TEAD4: variants seen among roughly 807,000 people sequenced by gnomAD.
TEAD4 encodes TEA domain transcription factor 4.
A neutral mutation model predicts 52.4 loss-of-function variants in TEAD4; 36 were observed. The ratio of observed to expected loss-of-function variants is 0.69; its 90% confidence interval spans 0.53 to 0.91. The LOEUF is 0.91. TEAD4 is among the 40% of genes least tolerant of loss of function. TEAD4 has a pLI of 0.00. For missense variants in TEAD4, 508 were observed against 583.9 expected (o/e 0.87, Z 1.34); for synonymous variants, 220 against 231.0 (o/e 0.95, Z 0.43).
intron 2 of TEAD4, among the ~76,000 whole-genome samples, chr12:2,973,221 G>A (rs559188502): frequency 9.2e-5 from 14 of 152,080 alleles, no homozygotes; most frequent in African/African-American, 1.2e-4. Flanking sequence ...ACAGGCACAC[G>A]CCACCACGCC....
chr12:2,987,665 G>A (rs963631155), intron 2 of TEAD4, among the ~76,000 whole-genome samples: 11 of 151,126 alleles, frequency 7.3e-5, no homozygotes, highest in Non-Finnish European at 1.0e-4. Context: ...CTCGTGATCC[G>A]CCCGCCTCGG....
In TEAD4 at chr12:3,037,966, A is replaced by G. The variant is rs1467721116; in HGVS notation, c.898-2A>G. On this transcript the variant is annotated splice_acceptor_variant, in intron 10 of 12. Transcript: ENST00000359864. LOFTEE classifies it high-confidence loss of function. ...CCTCGCCTTCCCACTGTCTCCCTCC[A>G]GGCAGACCTCAACACCAACATCGAG... 1 of 1,612,240 alleles carries G rather than the reference A, an allele frequency of 6.2e-7. No homozygotes were observed. Among genetic ancestry groups the G allele is most frequent in the Non-Finnish European group, 8.5e-7 (1 of 1,178,880 alleles).
rs553187410 is a variant in TEAD4, at chr12:3,036,323, G to A, written c.898-1645G>A. Among the ~76,000 whole-genome samples the A allele has an allele frequency of 7.9e-5, 12 of 152,036 alleles. No homozygotes were observed. The South Asian group carries it at 1.2e-3, about 16-fold the overall frequency. On this transcript the variant is annotated intron_variant, in intron 10 of 12. Transcript: ENST00000359864. Reference sequence around the variant, plus strand: ...ATAATAAATGCAGGTCCTTCTCAGCGTTTTTTTGTGGCTACATAATGTTTC... The same window carrying A: ...ATAATAAATGCAGGTCCTTCTCAGCATTTTTTTGTGGCTACATAATGTTTC...
intron 3 of TEAD4, among the ~76,000 whole-genome samples, chr12:3,007,177 G>C (rs561458096): frequency 6.6e-6 from 1 of 152,202 alleles, no homozygotes; most frequent in Non-Finnish European, 1.5e-5. Flanking sequence ...GGGTAGTTGT[G>C]GGGTGGTGGG....
intron 3 of TEAD4, among the ~76,000 whole-genome samples, chr12:2,998,521 C>T (rs1035189369): frequency 6.6e-6 from 1 of 151,132 alleles, no homozygotes; most frequent in Non-Finnish European, 1.5e-5. Flanking sequence ...CAGGGAGGGG[C>T]ATGGGATGGG....
At chr12:3,016,605 A>G (rs76757449) in intron 5 of TEAD4, among the ~76,000 whole-genome samples, 13 of 130,094 alleles carry the variant, frequency 1.0e-4, no homozygotes, top group South Asian at 6.8e-4. Flanking sequence ...CTGTCTCTGG[A>G]AAAAAAAAAA....
chr12:3,004,057 TC>T (rs1260789312), intron 3 of TEAD4, among the ~76,000 whole-genome samples: 1 of 152,236 alleles, frequency 6.6e-6, no homozygotes, highest in Non-Finnish European at 1.5e-5. Context: ...CTGGGGGCCT[TC>T]TGGTGTCTAC....
intron 2 of TEAD4, among the ~76,000 whole-genome samples, chr12:2,964,459 CTTT>C (rs768389942): frequency 3.6e-5 from 5 of 140,206 alleles, no homozygotes; most frequent in Admixed American, 7.2e-5. Context: ...TTCTTTCTTT[CTTT>C]TTTTTTTTTT....
intron 2 of TEAD4, among the ~76,000 whole-genome samples, chr12:2,978,902 G>A (rs1775531608): frequency 6.6e-6 from 1 of 151,672 alleles, no homozygotes; most frequent in Non-Finnish European, 1.5e-5. Flanking sequence ...GCCTATGTCA[G>A]AATTTCATGC....
At chr12:2,991,585 T>C (rs939638836) in intron 2 of TEAD4, among the ~76,000 whole-genome samples, 2 of 152,078 alleles carry the variant, frequency 1.3e-5, no homozygotes, top group Non-Finnish European at 2.9e-5. Context: ...TTGCTTGAAC[T>C]TGGGAGGCGG....
chr12:2,991,360 CTT>C (rs1433569079), intron 2 of TEAD4, among the ~76,000 whole-genome samples: 1 of 152,160 alleles, frequency 6.6e-6, no homozygotes, highest in Non-Finnish European at 1.5e-5. Flanking sequence ...GTTGGCAACT[CTT>C]TTAAGTAGTT....
intron 3 of TEAD4, among the ~76,000 whole-genome samples, chr12:2,996,714 T>G (rs747180321): frequency 1.3e-5 from 2 of 151,970 alleles, no homozygotes; most frequent in Non-Finnish European, 2.9e-5. Flanking sequence ...CCAGCTTTTC[T>G]TTTCTTTTCT....
intron 2 of TEAD4, among the ~76,000 whole-genome samples, chr12:2,978,624 G>A (rs1242345913): frequency 3.3e-5 from 5 of 151,874 alleles, no homozygotes; most frequent in Non-Finnish European, 7.4e-5. Context: ...GGCTGGTCTC[G>A]AACTCCTGAC....
intron 10 of TEAD4, among the ~76,000 whole-genome samples, chr12:3,027,959 C>T (rs955779875): frequency 1.3e-5 from 2 of 152,140 alleles, no homozygotes; most frequent in African/African-American, 4.8e-5. Context: ...TTCATCATCC[C>T]GAAAATAAGC....
intron 2 of TEAD4, among the ~76,000 whole-genome samples, chr12:2,974,040 C>G (rs1260668070): frequency 6.6e-6 from 1 of 152,160 alleles, no homozygotes; most frequent in Non-Finnish European, 1.5e-5. Context: ...CGGAGTCTCA[C>G]TCTGTCGCCC....
intron 3 of TEAD4, among the ~76,000 whole-genome samples, chr12:2,998,376 C>G (rs1289362786): frequency 6.6e-6 from 1 of 151,862 alleles, no homozygotes; most frequent in African/African-American, 2.4e-5. Flanking sequence ...CTGTGGATCT[C>G]TGGCAGGACT....
chr12:2,962,346 A>ATATATATT (rs1350931012), intron 2 of TEAD4, among the ~76,000 whole-genome samples: 1,809 of 128,006 alleles, frequency 0.014, 17 homozygotes, highest in Non-Finnish European at 0.021. Flanking sequence ...ATATATATAT[A>ATATATATT]TTTTTTGAGA....
intron 6 of TEAD4, among the ~76,000 whole-genome samples, chr12:3,017,739 G>A (rs2098265645): frequency 6.6e-6 from 1 of 152,188 alleles, no homozygotes; most frequent in Non-Finnish European, 1.5e-5. Context: ...CCTCGGCAAT[G>A]ACTCCACAGA....
rs1565534074 is a variant in TEAD4 at position 2,994,603 on chromosome 12, T to C, written c.-29-135T>C. The stretch of plus-strand genomic sequence containing the variant: ...ACCTGTTCAAGACCCCAGGCCTGAT[T>C]CTCACAGATCTTTCACTTCACGCTT... On this transcript the variant is annotated intron_variant, in intron 2 of 12. Coordinates refer to ENST00000359864, the MANE Select transcript of TEAD4 (RefSeq NM_003213.4). This position sits in a 1 kb window ranked among gnomAD's most constrained non-coding sequence, Gnocchi z 4.7. The C allele has an allele frequency of 1.6e-6, 2 of 1,220,446 alleles. No homozygotes were observed. Among genetic ancestry groups the C allele is most frequent in the East Asian group, 5.2e-5 (2 of 38,452 alleles). The allele number at this position is 1,220,446 out of a possible 1,614,324, so 75.6% of individuals were successfully genotyped here.
Sources: allele counts gnomAD v4.1 joint callset (sites outside exome capture counted in the v4.1 genomes callset), GRCh38; gene constraint gnomAD v4.1.1; non-coding constraint Gnocchi (gnomAD v3.1); transcripts MANE v1.5; gene names NCBI Gene and HGNC (gene_info 2026-07-23, HGNC 2026-07-21).